TRDMT1: variants seen among roughly 807,000 people sequenced by gnomAD.
The protein encoded by TRDMT1 is tRNA aspartic acid methyltransferase 1, also known as tRNA (cytosine(38)-C(5))-methyltransferase.
TRDMT1 carries 49 observed loss-of-function variants against 51.2 expected under a neutral mutation model. That is an observed-to-expected ratio of 0.96 (90% CI 0.76 to 1.21). TRDMT1 has a LOEUF of 1.21. Among genes scored for constraint, TRDMT1 ranks in the 50% most tolerant of loss-of-function variants. The pLI, the probability that TRDMT1 is intolerant of heterozygous loss-of-function variation, is 0.00. For missense variants in TRDMT1, 534 were observed against 462.3 expected (o/e 1.16, Z -1.42); for synonymous variants, 187 against 164.6 (o/e 1.14, Z -1.04).
intron 10 of TRDMT1, chr10:17,150,640 A>G (rs573640804): frequency 2.0e-6 from 2 of 985,216 alleles, no homozygotes; most frequent in African/African-American, 3.5e-5. Flanking sequence ...AGAAAATGAA[A>G]AACAATTAGG....
intron 1 of TRDMT1, among the ~76,000 whole-genome samples, chr10:17,175,040 TATAA>T: frequency 1.3e-5 from 2 of 152,380 alleles, no homozygotes. Context: ...TAGAACTTTA[TATAA>T]ATAAACTACC....
At chr10:17,166,582 C>G (rs539233089) in intron 3 of TRDMT1, among the ~76,000 whole-genome samples, 1 of 152,288 alleles carries the variant, frequency 6.6e-6, no homozygotes, top group East Asian at 1.9e-4. Context: ...CATCATTGGT[C>G]AGTTTCCTCA....
intron 1 of TRDMT1, among the ~76,000 whole-genome samples, chr10:17,177,821 T>C (rs1842803270): frequency 6.6e-6 from 1 of 152,008 alleles, no homozygotes; most frequent in African/African-American, 2.4e-5. Flanking sequence ...GGAAGAACTT[T>C]TTGTTGGTAG....
At chr10:17,178,985 C>T (rs1331912828) in intron 1 of TRDMT1, among the ~76,000 whole-genome samples, 2 of 151,574 alleles carry the variant, frequency 1.3e-5, no homozygotes, top group Admixed American at 1.3e-4. Context: ...CAACAAAATA[C>T]CAAAAGACAT....
At chr10:17,198,415 A>C (rs1168264979) in intron 1 of TRDMT1, among the ~76,000 whole-genome samples, 1 of 152,266 alleles carries the variant, frequency 6.6e-6, no homozygotes, top group Non-Finnish European at 1.5e-5. Context: ...GTCTATCAAC[A>C]GATGAATGGA....
At chr10:17,168,068 C>T (rs1249343149) in intron 3 of TRDMT1, among the ~76,000 whole-genome samples, 5 of 151,978 alleles carry the variant, frequency 3.3e-5, no homozygotes, top group East Asian at 1.9e-4. Flanking sequence ...TTTGGGAGGT[C>T]GAGGTGGGAG....
At position 17,154,734 on chromosome 10, in the gene TRDMT1, T is replaced by C. The variant is rs753337305; in HGVS notation, c.888A>G (p.Gly296=). ...CTGTCCCTTCTATGTAGCTTCCATATCTGAAAAATCAACACAACAATTATG... is the reference window on the plus strand; with the variant it reads ...CTGTCCCTTCTATGTAGCTTCCATACCTGAAAAATCAACACAACAATTATG... ...TCRRSVCFTK[G]YGSYIEGTGS... Residue 296 remains glycine, a splice_region_variant and synonymous_variant, in exon 9 of 11, where the codon GGA becomes GGG. Coordinates refer to ENST00000377799, the MANE Select transcript of TRDMT1 (RefSeq NM_004412.7). 3.6e-5 allele frequency: 58 copies of C among 1,602,436 alleles called. No individual in the cohort carries two copies. Among genetic ancestry groups the C allele is most frequent in the Non-Finnish European group, 4.6e-5 (54 of 1,174,972 alleles).
At chr10:17,158,415 G>C (rs985665155) in intron 7 of TRDMT1, among the ~76,000 whole-genome samples, 6 of 152,136 alleles carry the variant, frequency 3.9e-5, no homozygotes, top group African/African-American at 1.4e-4. Context: ...CAATGTGTAA[G>C]GTATATTAAC....
chr10:17,195,995 T>C (rs545239587), intron 1 of TRDMT1, among the ~76,000 whole-genome samples: 3 of 152,274 alleles, frequency 2.0e-5, no homozygotes, highest in Non-Finnish European at 4.4e-5. Flanking sequence ...TATAAAAATA[T>C]CCTTAGGTGA....
rs1407510418 is a variant in TRDMT1, at chr10:17,153,569, A to T, written c.1013T>A (p.Leu338His). 7 of 1,613,170 alleles carry T rather than the reference A, an allele frequency of 4.3e-6. No individual in the cohort carries two copies. Among genetic ancestry groups the T allele is most frequent in the East Asian group, 4.5e-5 (2 of 44,864 alleles). Residue 338 changes from leucine to histidine, a missense_variant, in exon 10 of 11, where the codon CTT becomes CAT. Coordinates refer to ENST00000377799, the MANE Select transcript of TRDMT1 (RefSeq NM_004412.7). ...TTTAGGAGTGAAATATCGCAGTTTA[A>T]GTATTAACAGCTTTGTTATCTGTTC... ...QEEQITKLLI[L>H]KLRYFTPKEI... is the part of the protein sequence containing the mutation.
chr10:17,197,908 C>T (rs1044991082), intron 1 of TRDMT1, among the ~76,000 whole-genome samples: 1 of 152,030 alleles, frequency 6.6e-6, no homozygotes, highest in Non-Finnish European at 1.5e-5. Context: ...GTGGCAGGGA[C>T]TTGTAATCCC....
At chr10:17,172,188 G>A (rs942344877) in intron 2 of TRDMT1, among the ~76,000 whole-genome samples, 3 of 151,940 alleles carry the variant, frequency 2.0e-5, no homozygotes, top group Non-Finnish European at 4.4e-5. Context: ...TTCAAAACAC[G>A]TGATAAAGAT....
chr10:17,149,580 A>G (rs1216383762), intron 10 of TRDMT1, among the ~76,000 whole-genome samples: 1 of 152,104 alleles, frequency 6.6e-6, no homozygotes, highest in East Asian at 1.9e-4. Context: ...AAATATCTCC[A>G]TTATCTAATT....
chr10:17,152,021 C>T, intron 10 of TRDMT1: 2 of 1,299,940 alleles, frequency 1.5e-6, no homozygotes, highest in Non-Finnish European at 2.0e-6. Flanking sequence ...CAAAAAAGCA[C>T]TGAAGAAAAG....
chr10:17,168,914 T>G lies in TRDMT1; in HGVS notation c.178A>C (p.Ile60Leu). 6.2e-7 allele frequency: 1 copy of G among 1,607,222 alleles called. No homozygotes were observed. Among genetic ancestry groups the G allele is most frequent in the African/African-American group, 1.3e-5 (1 of 74,720 alleles). The part of the protein sequence containing the change: ...TQLLAKTIEG[I>L]TLEEFDRLSF... ...AATCTGTCAAACTCTTCGAGTGTAATGCCCTGAGGAATGAACATTTAGGGG... is the reference window on the plus strand; with the variant it reads ...AATCTGTCAAACTCTTCGAGTGTAAGGCCCTGAGGAATGAACATTTAGGGG... Residue 60 changes from isoleucine to leucine, a missense_variant, in exon 3 of 11, where the codon ATT becomes CTT. Transcript: ENST00000377799.
chr10:17,166,460 G>A (rs933760022), intron 3 of TRDMT1, among the ~76,000 whole-genome samples: 5 of 151,868 alleles, frequency 3.3e-5, no homozygotes, highest in South Asian at 2.1e-4. Context: ...CATGGCACAC[G>A]TATACATATG....
Position 17,144,966 on chromosome 10 carries a change from G to C in TRDMT1, c.*4074C>G. 1.0e-6 allele frequency: 1 copy of C among 985,332 alleles called. No homozygotes were observed. 61.0% of individuals were successfully genotyped at this position (985,332 alleles called of 1,614,324 possible). On this transcript the variant is annotated 3_prime_UTR_variant, in exon 11 of 11. Coordinates refer to ENST00000377799, the MANE Select transcript of TRDMT1 (RefSeq NM_004412.7). Reference sequence around the variant, plus strand: ...CCTTTTTAAAAAACATGCAAAGGGAGGCTGGGCGTGGTGGCTCATGCCTGT... The same window carrying C: ...CCTTTTTAAAAAACATGCAAAGGGACGCTGGGCGTGGTGGCTCATGCCTGT...
chr10:17,197,831 G>C (rs1845654150), intron 1 of TRDMT1, among the ~76,000 whole-genome samples: 1 of 152,046 alleles, frequency 6.6e-6, no homozygotes, highest in African/African-American at 2.4e-5. Context: ...TCAGGAGTTC[G>C]AGACCAGCCT....
At chr10:17,195,880 G>C (rs1025852526) in intron 1 of TRDMT1, among the ~76,000 whole-genome samples, 1 of 151,870 alleles carries the variant, frequency 6.6e-6, no homozygotes, top group African/African-American at 2.4e-5. Context: ...AGAGTAACTA[G>C]AAGGAAAGAG....
Sources: allele counts gnomAD v4.1 joint callset (sites outside exome capture counted in the v4.1 genomes callset), GRCh38; gene constraint gnomAD v4.1.1; transcripts MANE v1.5; gene names NCBI Gene and HGNC (gene_info 2026-07-23, HGNC 2026-07-21).